PPARGC1A: variants seen among roughly 807,000 people sequenced by gnomAD.
PPARGC1A encodes PPARG coactivator 1 alpha.
Under a neutral mutation model 88.7 loss-of-function variants are expected in PPARGC1A, and 25 were observed. The ratio of observed to expected loss-of-function variants is 0.28; its 90% CI spans 0.21 to 0.39. The LOEUF is 0.39. PPARGC1A is among the 10% of genes least tolerant of loss of function. PPARGC1A has a pLI of 1.00. For missense variants in PPARGC1A, 880 were observed against 968.7 expected (o/e 0.91, Z 1.22); for synonymous variants, 363 against 355.6 (o/e 1.02, Z -0.24).
chr4:23,814,742 GA>G (rs1244532617), intron 7 of PPARGC1A, 137 bp from the exon 8 acceptor site: 1 of 832,266 alleles, frequency 1.2e-6, no homozygotes, highest in Non-Finnish European at 1.8e-6. Flanking sequence ...GAAGAAGAAG[GA>G]AACTAATTTC....
the PPARGC1A span, among the ~76,000 whole-genome samples, chr4:24,086,937 T>C: frequency 1.3e-5 from 2 of 152,186 alleles, no homozygotes; most frequent in Admixed American, 6.5e-5. Flanking sequence ...TTACCAATGT[T>C]ACACAGTTAG....
At chr4:24,318,745 T>C in the PPARGC1A span, among the ~76,000 whole-genome samples, 1 of 152,216 alleles carries the variant, frequency 6.6e-6, no homozygotes, top group South Asian at 2.1e-4. Context: ...TGGCAAATAC[T>C]GATAAAGCCA....
At chr4:24,337,453 CAGACATGAAAATA>C in the PPARGC1A span, among the ~76,000 whole-genome samples, 1,008 of 152,252 alleles carry the variant, frequency 6.6e-3, 19 homozygotes, top group Admixed American at 0.043. Context: ...GTGGGACAGA[CAGACATGAAAATA>C]AGACATGAAA....
chr4:23,951,249 T>C, the PPARGC1A span, among the ~76,000 whole-genome samples: 2 of 152,192 alleles, frequency 1.3e-5, no homozygotes, highest in African/African-American at 2.4e-5. Flanking sequence ...CCAAGCCAAG[T>C]AAGTAAGAGT....
the PPARGC1A span, among the ~76,000 whole-genome samples, chr4:23,939,172 C>T: frequency 6.6e-6 from 1 of 152,168 alleles, no homozygotes; most frequent in East Asian, 1.9e-4. Flanking sequence ...ATTTTTAGTA[C>T]TCAAATCAAT....
the PPARGC1A span, among the ~76,000 whole-genome samples, chr4:24,127,544 C>A: frequency 6.6e-6 from 1 of 151,898 alleles, no homozygotes; most frequent in African/African-American, 2.4e-5. Context: ...TATATACACA[C>A]ACACACGTGC....
the PPARGC1A span, among the ~76,000 whole-genome samples, chr4:24,329,385 T>G: frequency 6.6e-6 from 1 of 152,106 alleles, no homozygotes; most frequent in Non-Finnish European, 1.5e-5. Context: ...TTTGAGGCCC[T>G]GCGTGATGGG....
chr4:24,448,321 C>A, the PPARGC1A span, among the ~76,000 whole-genome samples: 135 of 152,316 alleles, frequency 8.9e-4, no homozygotes, highest in African/African-American at 3.2e-3. Flanking sequence ...GGCCCACACT[C>A]TTCTTTGTTT....
chr4:23,873,945 T>C (rs181468720), intron 2 of PPARGC1A, among the ~76,000 whole-genome samples: 153 of 152,232 alleles, frequency 1.0e-3, no homozygotes, highest in African/African-American at 3.2e-3. Flanking sequence ...CGAGAAAAGC[T>C]AGTGCTTTGG....
chr4:24,250,095 A>G, the PPARGC1A span, among the ~76,000 whole-genome samples: 2 of 152,190 alleles, frequency 1.3e-5, no homozygotes, highest in Non-Finnish European at 2.9e-5. Context: ...GCAGGACTAG[A>G]TAAGGAGACT....
chr4:24,325,114 G>A, the PPARGC1A span, among the ~76,000 whole-genome samples: 3 of 152,242 alleles, frequency 2.0e-5, no homozygotes, highest in East Asian at 1.9e-4. Flanking sequence ...ATCAGATAGC[G>A]TTTAGGCTCT....
At chr4:24,244,859 C>T in the PPARGC1A span, among the ~76,000 whole-genome samples, 10 of 152,104 alleles carry the variant, frequency 6.6e-5, no homozygotes, top group Non-Finnish European at 1.5e-4. Flanking sequence ...TTATGTAAAA[C>T]GGGTTCTCTG....
the PPARGC1A span, among the ~76,000 whole-genome samples, chr4:24,269,329 T>C: frequency 6.6e-6 from 1 of 151,766 alleles, no homozygotes; most frequent in East Asian, 2.0e-4. Context: ...ATGGGTCTTC[T>C]TGGGGAAGGA....
At chr4:24,042,911 T>C in the PPARGC1A span, among the ~76,000 whole-genome samples, 1 of 152,204 alleles carries the variant, frequency 6.6e-6, no homozygotes, top group South Asian at 2.1e-4. Flanking sequence ...CTCTTTATTA[T>C]CTGACATTAT....
chr4:23,836,064 C>G (rs190010504), intron 2 of PPARGC1A, among the ~76,000 whole-genome samples: 4 of 152,260 alleles, frequency 2.6e-5, no homozygotes, highest in East Asian at 1.9e-4. Context: ...GATAACCTTT[C>G]AAAGACTCGG....
the PPARGC1A span, among the ~76,000 whole-genome samples, chr4:24,198,485 G>A: frequency 6.6e-6 from 1 of 152,144 alleles, no homozygotes; most frequent in Non-Finnish European, 1.5e-5. Flanking sequence ...TGCCCCCTCA[G>A]GGTCAGGGCT....
chr4:24,076,184 C>A, the PPARGC1A span, among the ~76,000 whole-genome samples: 1 of 152,154 alleles, frequency 6.6e-6, no homozygotes, highest in Admixed American at 6.6e-5. Flanking sequence ...GCACTGTGTT[C>A]ATCTCTCACA....
the PPARGC1A span, among the ~76,000 whole-genome samples, chr4:24,193,480 T>C: frequency 3.3e-5 from 5 of 152,302 alleles, no homozygotes; most frequent in East Asian, 7.7e-4. Context: ...GTGAGACCCC[T>C]GGGCAATGAT....
chr4:24,331,517 T>C, the PPARGC1A span, among the ~76,000 whole-genome samples: 4 of 152,192 alleles, frequency 2.6e-5, no homozygotes, highest in Admixed American at 2.0e-4. Flanking sequence ...TCTTGTTTAT[T>C]GCTATAGTCT....
Sources: gnomAD v4.1 joint callset for allele counts (sites outside exome capture counted in the v4.1 genomes callset) on GRCh38, gnomAD v4.1.1 for gene constraint, MANE v1.5 for transcripts, NCBI Gene and HGNC (gene_info 2026-07-23, HGNC 2026-07-21) for gene names.